Variants in SLC38A4 observed in about 807,000 individuals in gnomAD.
The protein encoded by SLC38A4 is sodium-coupled neutral amino acid transporter 4.
Under a neutral mutation model 63.1 loss-of-function variants are expected in SLC38A4, and 20 were observed. The ratio of observed to expected loss-of-function variants is 0.32; its 90% confidence interval spans 0.22 to 0.46. SLC38A4 has a LOEUF of 0.46. Ranked by LOEUF, SLC38A4 falls within the 20% of genes least tolerant of loss-of-function variation. The pLI is 1.00. For missense variants in SLC38A4, 526 were observed against 663.6 expected (o/e 0.79, Z 2.28); for synonymous variants, 230 against 225.5 (o/e 1.02, Z -0.18).
chr12:46,777,318 C>T (rs1489391272), intron 12 of SLC38A4, among the ~76,000 whole-genome samples: 1 of 151,854 alleles, frequency 6.6e-6, no homozygotes, highest in Non-Finnish European at 1.5e-5. Context: ...AGGCTCCTAA[C>T]ATAGAAAGCT....
intron 1 of SLC38A4, among the ~76,000 whole-genome samples, chr12:46,832,128 A>C (rs962857682): frequency 6.6e-6 from 1 of 152,128 alleles, no homozygotes; most frequent in Non-Finnish European, 1.5e-5. Context: ...TTTGGAAAAT[A>C]ATAAGAATTA....
intron 3 of SLC38A4, among the ~76,000 whole-genome samples, chr12:46,790,706 C>T (rs1565669859): frequency 1.3e-5 from 2 of 151,718 alleles, no homozygotes; most frequent in East Asian, 1.9e-4. Flanking sequence ...CTTATTTTGG[C>T]ATGAGATGAG....
intron 1 of SLC38A4, among the ~76,000 whole-genome samples, chr12:46,821,903 C>A (rs1210063942): frequency 6.6e-6 from 1 of 152,092 alleles, no homozygotes; most frequent in Non-Finnish European, 1.5e-5. Flanking sequence ...AGGACTTTTA[C>A]CTCTTTAATT....
chr12:46,805,713 A>G (rs901090996), intron 1 of SLC38A4, among the ~76,000 whole-genome samples: 1 of 152,104 alleles, frequency 6.6e-6, no homozygotes, highest in African/African-American at 2.4e-5. Context: ...TAGTAGAAAG[A>G]GCTAATCATC....
At chr12:46,788,731 A>T in intron 3 of SLC38A4, 113 bp from the exon 4 acceptor site, 1 of 930,736 alleles carries the variant, frequency 1.1e-6, no homozygotes, top group Non-Finnish European at 1.6e-6. Flanking sequence ...GAAATAAGAC[A>T]CCCCAATTTT....
At chr12:46,819,169 T>A (rs1939495352) in intron 1 of SLC38A4, among the ~76,000 whole-genome samples, 1 of 151,602 alleles carries the variant, frequency 6.6e-6, no homozygotes, top group South Asian at 2.1e-4. Context: ...CATCATCAAA[T>A]AAAACGTAAG....
At chr12:46,770,190 A>G (rs1170439606) in intron 14 of SLC38A4, among the ~76,000 whole-genome samples, 2 of 152,106 alleles carry the variant, frequency 1.3e-5, no homozygotes, top group Admixed American at 1.3e-4. Flanking sequence ...ATCAGACTGG[A>G]TGAGACATTA....
chr12:46,825,242 C>T (rs932015627), intron 1 of SLC38A4, among the ~76,000 whole-genome samples: 1 of 143,926 alleles, frequency 6.9e-6, no homozygotes. Flanking sequence ...CTGGAGGAAA[C>T]CAGGTGAAAG....
At position 46,766,431 on chromosome 12, in the gene SLC38A4, C is replaced by A. The variant is rs1413019610; in HGVS notation, c.*270G>T. Reference sequence around the variant, plus strand: ...TACCCTTATTCTGCTCGTAAAGCAGCAAAAATACACCTTCATCATCTCACA... The same window carrying A: ...TACCCTTATTCTGCTCGTAAAGCAGAAAAAATACACCTTCATCATCTCACA... On this transcript the variant is annotated 3_prime_UTR_variant, in exon 17 of 17. Coordinates refer to ENST00000266579, the MANE Select transcript of SLC38A4 (RefSeq NM_018018.5). 1.8e-6 allele frequency: 1 copy of A among 557,852 alleles called. No individual in the cohort carries two copies. The highest frequency in any genetic ancestry group is 3.4e-6 in the Non-Finnish European group (1 of 293,254). 34.6% of individuals were successfully genotyped at this position (557,852 alleles called of 1,614,324 possible).
chr12:46,787,108 C>A (rs893702814), intron 5 of SLC38A4, among the ~76,000 whole-genome samples: 8 of 152,172 alleles, frequency 5.3e-5, no homozygotes, highest in Admixed American at 6.5e-5. Context: ...ATGCTGCTAC[C>A]CTTAGGCAGC....
chr12:46,788,579 C>G lies in SLC38A4; in HGVS notation c.159G>C (p.Leu53=), dbSNP rs1264718538. Residue 53 remains leucine, a synonymous_variant, in exon 4 of 17, where the codon CTG becomes CTC. Coordinates refer to ENST00000266579, the MANE Select transcript of SLC38A4 (RefSeq NM_018018.5). ...ANEDTESQKF[L]TNGFLGKKKL... ...TCTTTTTCCCCAAAAATCCATTTGTCAGGAATTTCTGACTTTCAGTGTCTT... is the reference window on the plus strand; with the variant it reads ...TCTTTTTCCCCAAAAATCCATTTGTGAGGAATTTCTGACTTTCAGTGTCTT... 1 of 1,613,564 alleles carries G rather than the reference C, an allele frequency of 6.2e-7. No homozygotes were observed. Among genetic ancestry groups the G allele is most frequent in the African/African-American group, 1.3e-5 (1 of 74,912 alleles).
At chr12:46,831,359 T>A (rs1939728967) in intron 1 of SLC38A4, among the ~76,000 whole-genome samples, 1 of 152,194 alleles carries the variant, frequency 6.6e-6, no homozygotes, top group Non-Finnish European at 1.5e-5. Context: ...CGCTCTTCTC[T>A]CAATTTTTCC....
chr12:46,789,307 A>G (rs1246824212), intron 3 of SLC38A4, among the ~76,000 whole-genome samples: 1 of 151,692 alleles, frequency 6.6e-6, no homozygotes, highest in Non-Finnish European at 1.5e-5. Flanking sequence ...GTGTGTGCGT[A>G]TGTGTTTTAA....
chr12:46,786,877 A>T (rs540453978), intron 5 of SLC38A4, among the ~76,000 whole-genome samples: 1 of 152,318 alleles, frequency 6.6e-6, no homozygotes, highest in East Asian at 1.9e-4. Flanking sequence ...TATTTGTGAT[A>T]TAAATGTTGC....
chr12:46,827,720 A>G (rs1333075339), upstream of SLC38A4, among the ~76,000 whole-genome samples: 1 of 152,144 alleles, frequency 6.6e-6, no homozygotes, highest in Non-Finnish European at 1.5e-5. Flanking sequence ...GTTTGTGTAA[A>G]TTTTATCTAT....
chr12:46,821,329 T>C (rs929286768), intron 1 of SLC38A4, among the ~76,000 whole-genome samples: 1 of 152,138 alleles, frequency 6.6e-6, no homozygotes, highest in African/African-American at 2.4e-5. Context: ...TTTTAGTTTT[T>C]TGTTGTTTAT....
At position 46,783,338 on chromosome 12, in the gene SLC38A4, G is replaced by A. The variant is rs536537992; in HGVS notation, c.493+1204C>T. On this transcript the variant is annotated intron_variant, in intron 7 of 16. Transcript: ENST00000266579. ...GAAAGATTGAGCAGAAGAACTAGAC[G>A]AAGATCTTGTGTCAGTCCAATGAGT... is the stretch of plus-strand genomic sequence containing the variant. Among the ~76,000 whole-genome samples, 13 of 151,918 alleles carry A rather than the reference G, an allele frequency of 8.6e-5. No homozygotes were observed. In the South Asian group the frequency reaches 1.7e-3, roughly 19 times the overall value.
intron 1 of SLC38A4, among the ~76,000 whole-genome samples, chr12:46,818,028 A>C (rs1939474891): frequency 1.3e-5 from 2 of 152,062 alleles, no homozygotes; most frequent in South Asian, 4.1e-4. Context: ...ATAATACAAA[A>C]GTGAGAAGAT....
intron 15 of SLC38A4, 95 bp from the exon 16 acceptor site, chr12:46,768,502 G>T: frequency 1.3e-6 from 1 of 787,108 alleles, no homozygotes; most frequent in Non-Finnish European, 2.0e-6. Flanking sequence ...CAAATATAAA[G>T]CTATCCTATA....
Sources: gnomAD v4.1 joint callset for allele counts (sites outside exome capture counted in the v4.1 genomes callset) on GRCh38, gnomAD v4.1.1 for gene constraint, MANE v1.5 for transcripts, NCBI Gene and HGNC (gene_info 2026-07-23, HGNC 2026-07-21) for gene names.